The following PDE3B variants were observed in gnomAD, a reference collection of about 807,000 sequenced individuals.
PDE3B encodes the protein phosphodiesterase 3B.
Under a neutral mutation model 116.8 loss-of-function variants are expected in PDE3B, and 66 were observed. That is an observed-to-expected ratio of 0.56 (90% CI 0.46 to 0.69). The LOEUF (loss-of-function observed/expected upper bound fraction) is 0.69, where lower values mean the gene tolerates loss of function less well. PDE3B is among the 30% of genes least tolerant of loss of function. PDE3B has a pLI of 0.00. For missense variants in PDE3B, 1,384 were observed against 1,368.1 expected (o/e 1.01, Z -0.18); for synonymous variants, 595 against 533.6 (o/e 1.12, Z -1.59).
chr11:14,757,814 C>A (rs1326324121), intron 1 of PDE3B, among the ~76,000 whole-genome samples: 1 of 150,244 alleles, frequency 6.7e-6, no homozygotes, highest in Non-Finnish European at 1.5e-5. Flanking sequence ...TTAATTAGAT[C>A]CCATTTGTCA....
At chr11:14,741,598 A>T (rs1262182699) in intron 1 of PDE3B, among the ~76,000 whole-genome samples, 1 of 152,072 alleles carries the variant, frequency 6.6e-6, no homozygotes, top group Non-Finnish European at 1.5e-5. Context: ...ATTTAAGGTT[A>T]ATATTGTTAA....
intron 1 of PDE3B, among the ~76,000 whole-genome samples, chr11:14,728,073 A>G (rs967381498): frequency 1.3e-5 from 2 of 152,032 alleles, no homozygotes; most frequent in Non-Finnish European, 1.5e-5. Flanking sequence ...CTTACTTTTC[A>G]CAGAGTTTAT....
chr11:14,691,434 C>T (rs1855039046), intron 1 of PDE3B, among the ~76,000 whole-genome samples: 1 of 151,984 alleles, frequency 6.6e-6, no homozygotes, highest in South Asian at 2.1e-4. Flanking sequence ...GAGATATTAT[C>T]AAGTATTTTG....
chr11:14,893,881 G>A, the PDE3B span, among the ~76,000 whole-genome samples: 1 of 152,238 alleles, frequency 6.6e-6, no homozygotes, highest in Admixed American at 6.5e-5. Context: ...TGGGGGAGGG[G>A]AGCATTATTC....
intron 1 of PDE3B, among the ~76,000 whole-genome samples, chr11:14,651,170 T>C (rs1853565158): frequency 6.6e-6 from 1 of 152,124 alleles, no homozygotes; most frequent in South Asian, 2.1e-4. Flanking sequence ...TCTCCTAGCT[T>C]CTGGTGGTTT....
At chr11:14,723,796 T>C (rs1350923273) in intron 1 of PDE3B, among the ~76,000 whole-genome samples, 3 of 152,000 alleles carry the variant, frequency 2.0e-5, no homozygotes, top group Non-Finnish European at 4.4e-5. Context: ...AAGCAAGTTT[T>C]TATTGTTGAA....
At chr11:14,849,017 C>T (rs1423974525) in intron 12 of PDE3B, among the ~76,000 whole-genome samples, 2 of 151,330 alleles carry the variant, frequency 1.3e-5, no homozygotes, top group Non-Finnish European at 1.5e-5. Flanking sequence ...AAAAAAGAGC[C>T]TGCATCGCCA....
At chr11:14,838,215 G>A (rs1020856415) in intron 11 of PDE3B, among the ~76,000 whole-genome samples, 9 of 151,900 alleles carry the variant, frequency 5.9e-5, no homozygotes, top group Non-Finnish European at 8.8e-5. Flanking sequence ...TCCCGACCTC[G>A]TGATTTGCCC....
At chr11:14,846,079 G>A (rs1222621914) in intron 12 of PDE3B, among the ~76,000 whole-genome samples, 2 of 152,172 alleles carry the variant, frequency 1.3e-5, no homozygotes, top group East Asian at 3.8e-4. Flanking sequence ...AATGTTAAGG[G>A]CAGCCAGAGA....
intron 12 of PDE3B, among the ~76,000 whole-genome samples, chr11:14,846,110 A>G (rs1847595934): frequency 1.3e-5 from 2 of 152,252 alleles, no homozygotes; most frequent in South Asian, 2.1e-4. Context: ...GTTACCACAA[A>G]GGGAAGCCCA....
At chr11:14,793,532 C>G (rs1858455278) in intron 4 of PDE3B, among the ~76,000 whole-genome samples, 1 of 152,066 alleles carries the variant, frequency 6.6e-6, no homozygotes, top group African/African-American at 2.4e-5. Context: ...GATGCTCAAC[C>G]TATACTTAGA....
the PDE3B span, chr11:14,892,168 G>C: frequency 6.2e-7 from 1 of 1,610,730 alleles, no homozygotes; most frequent in Non-Finnish European, 8.5e-7. Flanking sequence ...GCCGCCGAGC[G>C]CCGCCGCGCC....
intron 15 of PDE3B, among the ~76,000 whole-genome samples, chr11:14,868,281 A>G (rs1228906930): frequency 1.8e-4 from 27 of 152,232 alleles, no homozygotes; most frequent in Non-Finnish European, 3.1e-4. Context: ...ACATCTGAAC[A>G]TATGTGAGGT....
intron 1 of PDE3B, among the ~76,000 whole-genome samples, chr11:14,738,319 C>A (rs865809412): frequency 2.0e-5 from 3 of 152,148 alleles, no homozygotes; most frequent in African/African-American, 4.8e-5. Context: ...TTCTAACTGG[C>A]GTGAGATGGT....
At chr11:14,673,975 G>T in intron 1 of PDE3B, 1 of 1,357,468 alleles carries the variant, frequency 7.4e-7, no homozygotes. Context: ...TAATCCTCAA[G>T]AATGGAATCC....
intron 1 of PDE3B, among the ~76,000 whole-genome samples, chr11:14,661,550 T>G (rs1042314695): frequency 6.6e-6 from 1 of 152,166 alleles, no homozygotes; most frequent in East Asian, 1.9e-4. Context: ...TTCCCTTTCC[T>G]AGTCAAAGAA....
At chr11:14,780,472 A>C (rs1364330246) in intron 2 of PDE3B, among the ~76,000 whole-genome samples, 2 of 152,222 alleles carry the variant, frequency 1.3e-5, no homozygotes. Flanking sequence ...TGTCTCTCAG[A>C]CCACAGTGCA....
chr11:14,860,665 A>C (rs2031122222), intron 13 of PDE3B, among the ~76,000 whole-genome samples: 1 of 152,090 alleles, frequency 6.6e-6, no homozygotes, highest in Admixed American at 6.6e-5. Flanking sequence ...CAGTTTTTTC[A>C]CTGTTACACA....
At chr11:14,663,280 G>C (rs1197434009) in intron 1 of PDE3B, among the ~76,000 whole-genome samples, 2 of 152,184 alleles carry the variant, frequency 1.3e-5, no homozygotes, top group Non-Finnish European at 2.9e-5. Context: ...TCACCACCAG[G>C]CCTGCCCTAA....
Sources: gnomAD v4.1 joint callset for allele counts (sites outside exome capture counted in the v4.1 genomes callset) on GRCh38, gnomAD v4.1.1 for gene constraint, MANE v1.5 for transcripts, NCBI Gene and HGNC (gene_info 2026-07-23, HGNC 2026-07-21) for gene names.